MCTP1: variants seen among roughly 807,000 people sequenced by gnomAD.
MCTP1 encodes multiple C2 and transmembrane domain containing 1.
A neutral mutation model predicts 120.6 loss-of-function variants in MCTP1; 69 were observed. The ratio of observed to expected loss-of-function variants is 0.57; its 90% CI spans 0.47 to 0.70. The LOEUF (loss-of-function observed/expected upper bound fraction) is 0.70, where lower values mean the gene tolerates loss of function less well. Among genes scored for constraint, MCTP1 ranks in the 30% least tolerant of loss-of-function variants. The pLI, the probability that MCTP1 is intolerant of heterozygous loss-of-function variation, is 0.00. For synonymous variants in MCTP1, 529 were observed against 493.1 expected, an observed-to-expected ratio of 1.07 and a Z score of -0.96; for missense variants, 1,203 against 1,248.8, an observed-to-expected ratio of 0.96 and a Z score of 0.55.
Position 94,817,593 on chromosome 5 carries a change from T to C in MCTP1, c.2437-18461A>G, listed in dbSNP as rs564274890. ...GCTGGTTTCTGAGGGATTTTTCCTA[T>C]TGTCTTATTGTTTCTTTTGTTACAC... On this transcript the variant is annotated intron_variant, in intron 17 of 22. Transcript: ENST00000515393. Among the ~76,000 whole-genome samples, 6 of 152,344 alleles carry C rather than the reference T, an allele frequency of 3.9e-5. No homozygotes were observed. In the South Asian group the frequency reaches 8.3e-4, roughly 21 times the overall value.
At chr5:95,247,106 G>T (rs545363117) in intron 1 of MCTP1, among the ~76,000 whole-genome samples, 1 of 152,016 alleles carries the variant, frequency 6.6e-6, no homozygotes, top group Non-Finnish European at 1.5e-5. Context: ...ACTTCTTCCT[G>T]GTTCAGTCTT....
intron 1 of MCTP1, among the ~76,000 whole-genome samples, chr5:95,178,587 A>C (rs1748274700): frequency 6.6e-6 from 1 of 152,186 alleles, no homozygotes; most frequent in African/African-American, 2.4e-5. Context: ...CAATCACTGC[A>C]GTTCGCCTCT....
At chr5:95,063,610 T>C (rs1749826016) in intron 1 of MCTP1, among the ~76,000 whole-genome samples, 1 of 152,180 alleles carries the variant, frequency 6.6e-6, no homozygotes, top group African/African-American at 2.4e-5. Flanking sequence ...GCACACTCTT[T>C]ATTCAGACAG....
At chr5:95,259,581 A>G (rs891712394) in intron 1 of MCTP1, among the ~76,000 whole-genome samples, 3 of 152,064 alleles carry the variant, frequency 2.0e-5, no homozygotes, top group Non-Finnish European at 4.4e-5. Flanking sequence ...ACCTTAATAC[A>G]CTATAATTAC....
chr5:94,971,086 T>C (rs1826742666), intron 2 of MCTP1, among the ~76,000 whole-genome samples: 1 of 152,122 alleles, frequency 6.6e-6, no homozygotes, highest in Admixed American at 6.6e-5. Flanking sequence ...TGTCTACATG[T>C]CTACAAGAAC....
intron 2 of MCTP1, among the ~76,000 whole-genome samples, chr5:94,956,172 A>T (rs901768651): frequency 2.0e-5 from 3 of 152,194 alleles, no homozygotes; most frequent in African/African-American, 7.2e-5. Context: ...CAGAAGAGGG[A>T]CCTGACTGTT....
intron 12 of MCTP1, among the ~76,000 whole-genome samples, chr5:94,880,692 C>T (rs1420061500): frequency 6.6e-6 from 1 of 152,130 alleles, no homozygotes; most frequent in Non-Finnish European, 1.5e-5. Context: ...ATCATCTCTG[C>T]AACCAGGTGG....
rs1402762640 is a variant in MCTP1, at chr5:94,710,891, C to T, written c.2757G>A (p.Leu919=). Residue 919 remains leucine, a synonymous_variant, in exon 21 of 23, where the codon CTG becomes CTA. Transcript: ENST00000515393. Reference sequence around the variant, plus strand: ...TGAACACACAGAGGGCTACAATGGCCAGCCAGCTTAAGAATGGGACAGTCC... The same window carrying T: ...TGAACACACAGAGGGCTACAATGGCTAGCCAGCTTAAGAATGGGACAGTCC... The part of the protein sequence containing the change: ...FNWTVPFLSW[L]AIVALCVFTA... 8 of 1,612,798 alleles carry T rather than the reference C, an allele frequency of 5.0e-6. No individual in the cohort carries two copies. The South Asian group carries it at 6.6e-5, about 13-fold the overall frequency.
intron 1 of MCTP1, among the ~76,000 whole-genome samples, chr5:95,248,802 G>C (rs1167762866): frequency 3.3e-5 from 5 of 152,156 alleles, no homozygotes; most frequent in Non-Finnish European, 7.4e-5. Context: ...AAACAGGATG[G>C]TATGGTACCA....
intron 1 of MCTP1, among the ~76,000 whole-genome samples, chr5:95,094,074 A>G (rs1756046375): frequency 6.6e-6 from 1 of 152,226 alleles, no homozygotes; most frequent in Admixed American, 6.5e-5. Flanking sequence ...TGCAGAGCAG[A>G]GATTAGCTGC....
At chr5:95,187,033 C>G (rs1251312720) in intron 1 of MCTP1, among the ~76,000 whole-genome samples, 1 of 152,210 alleles carries the variant, frequency 6.6e-6, no homozygotes, top group Non-Finnish European at 1.5e-5. Context: ...CTATGGAATA[C>G]AGTTTGGAGG....
At chr5:94,912,544 G>A (rs769835251) in intron 9 of MCTP1, among the ~76,000 whole-genome samples, 20 of 148,006 alleles carry the variant, frequency 1.4e-4, no homozygotes, top group African/African-American at 1.2e-4. Context: ...AATCCACAGA[G>A]CTATGCCAAG....
chr5:94,849,762 T>G (rs1793261819), intron 17 of MCTP1, among the ~76,000 whole-genome samples: 1 of 152,122 alleles, frequency 6.6e-6, no homozygotes, highest in South Asian at 2.1e-4. Flanking sequence ...GAAATAAAGG[T>G]GCTTTTTGGT....
chr5:94,749,983 T>C (rs13156960), intron 19 of MCTP1, among the ~76,000 whole-genome samples: 1 of 152,160 alleles, frequency 6.6e-6, no homozygotes, highest in Admixed American at 6.5e-5. Flanking sequence ...CCCGAAAAAC[T>C]ATTACTTCAG....
intron 1 of MCTP1, among the ~76,000 whole-genome samples, chr5:95,234,074 T>G (rs939278839): frequency 6.6e-6 from 1 of 151,858 alleles, no homozygotes; most frequent in Non-Finnish European, 1.5e-5. Flanking sequence ...GAGAGGTGAC[T>G]TCCAAGGAAA....
At chr5:94,926,873 A>C (rs1813260863) in intron 6 of MCTP1, among the ~76,000 whole-genome samples, 1 of 152,142 alleles carries the variant, frequency 6.6e-6, no homozygotes, top group Admixed American at 6.5e-5. Context: ...CACAATAAAC[A>C]TCCTAGACCT....
chr5:95,224,169 G>C (rs1753998580), intron 1 of MCTP1, among the ~76,000 whole-genome samples: 2 of 152,164 alleles, frequency 1.3e-5, no homozygotes, highest in Admixed American at 6.5e-5. Context: ...GTGGGCCCTG[G>C]AATAACTGAG....
intron 1 of MCTP1, among the ~76,000 whole-genome samples, chr5:95,195,859 C>T (rs1750330491): frequency 6.6e-6 from 1 of 152,018 alleles, no homozygotes; most frequent in South Asian, 2.1e-4. Flanking sequence ...GATTAAAGAC[C>T]TTTCTCTAAC....
chr5:95,157,759 G>T (rs974733858), intron 1 of MCTP1, among the ~76,000 whole-genome samples: 2 of 152,164 alleles, frequency 1.3e-5, no homozygotes, highest in African/African-American at 2.4e-5. Flanking sequence ...ATGGAGCAGG[G>T]ATCAGCAAAC....
Sources: allele counts gnomAD v4.1 joint callset (sites outside exome capture counted in the v4.1 genomes callset), GRCh38; gene constraint gnomAD v4.1.1; transcripts MANE v1.5; gene names NCBI Gene and HGNC (gene_info 2026-07-23, HGNC 2026-07-21).